MEF2C: variants seen among roughly 807,000 people sequenced by gnomAD.
MEF2C encodes the protein myocyte enhancer factor 2C.
A neutral mutation model predicts 50.5 loss-of-function variants in MEF2C; 6 were observed. That is an observed-to-expected ratio of 0.12 (90% CI 0.07 to 0.23). MEF2C has a LOEUF of 0.23. MEF2C is among the 10% of genes least tolerant of loss of function. The probability of loss-of-function intolerance (pLI) is 1.00; values close to 1 mark genes in which losing one functional copy is unlikely to be tolerated. For synonymous variants in MEF2C, 183 were observed against 228.0 expected (o/e 0.80, Z 1.78); for missense variants, 276 against 605.0 (o/e 0.46, Z 5.70).
chr5:88,780,106 C>CT (rs1380740902), intron 3 of MEF2C, among the ~76,000 whole-genome samples: 2 of 150,860 alleles, frequency 1.3e-5, no homozygotes, highest in African/African-American at 2.4e-5. Context: ...GACATTGCAT[C>CT]ATTGCACTCT....
chr5:88,849,695 A>C (rs1304881624), intron 1 of MEF2C, among the ~76,000 whole-genome samples: 2 of 152,202 alleles, frequency 1.3e-5, no homozygotes, highest in Non-Finnish European at 2.9e-5. Context: ...AGAAATTAGC[A>C]AATCCAGTAT....
At chr5:88,768,090 C>G (rs920894787) in intron 3 of MEF2C, among the ~76,000 whole-genome samples, 1 of 152,290 alleles carries the variant, frequency 6.6e-6, no homozygotes, top group African/African-American at 2.4e-5. Flanking sequence ...ACTTTCTGAT[C>G]GCTCAGGCTG....
intron 3 of MEF2C, among the ~76,000 whole-genome samples, chr5:88,787,095 C>T (rs1192385028): frequency 6.6e-6 from 1 of 151,774 alleles, no homozygotes; most frequent in Non-Finnish European, 1.5e-5. Flanking sequence ...GGGCCGTGAA[C>T]ACCATACTTT....
At chr5:88,748,908 C>CTTT in intron 6 of MEF2C, 162 bp downstream of exon 6, 1 of 985,300 alleles carries the variant, frequency 1.0e-6, no homozygotes, top group Non-Finnish European at 1.2e-6. Context: ...ACTATTTAAC[C>CTTT]ACTCCTGCTT....
intron 1 of MEF2C, among the ~76,000 whole-genome samples, chr5:88,848,453 T>C (rs761857824): frequency 1.4e-4 from 21 of 152,188 alleles, no homozygotes; most frequent in Non-Finnish European, 2.8e-4. Context: ...TCTATCTCTC[T>C]ACATAGTAAT....
At chr5:88,853,086 T>C (rs961863979) in intron 1 of MEF2C, among the ~76,000 whole-genome samples, 1 of 152,068 alleles carries the variant, frequency 6.6e-6, no homozygotes, top group Non-Finnish European at 1.5e-5. Flanking sequence ...TAATTGGGCA[T>C]GGTGGCCTGT....
At chr5:88,757,929 T>C (rs1776113788) in intron 4 of MEF2C, among the ~76,000 whole-genome samples, 1 of 151,764 alleles carries the variant, frequency 6.6e-6, no homozygotes, top group Non-Finnish European at 1.5e-5. Context: ...AAATAAAAAA[T>C]AAAAATAAAA....
At chr5:88,885,297 C>G (rs1358852085), upstream of MEF2C, among the ~76,000 whole-genome samples, 1 of 152,128 alleles carries the variant, frequency 6.6e-6, no homozygotes, top group Non-Finnish European at 1.5e-5. Context: ...GCAACTGTCC[C>G]AAGGCTTCAC....
In MEF2C at chr5:88,895,152, G is replaced by C. The variant is rs141052630; in HGVS notation, c.-239-7554C>G. On this transcript the variant is annotated intron_variant, in intron 1 of 11. Coordinates refer to the MEF2C transcript ENST00000340208. ...GAAAACATCTCAATGTTGTAGTTAT[G>C]TAATGATATTTTAAAAGATGTTTTC... Among the ~76,000 whole-genome samples the C allele has an allele frequency of 5.1e-3, 772 of 152,252 alleles. 3 individuals are homozygous for C. The highest frequency in any genetic ancestry group is 0.018 in the African/African-American group (742 of 41,536).
At chr5:88,812,596 A>T (rs1244154913) in intron 2 of MEF2C, among the ~76,000 whole-genome samples, 2 of 144,814 alleles carry the variant, frequency 1.4e-5, no homozygotes, top group African/African-American at 5.2e-5. Flanking sequence ...AGTGTTGCTT[A>T]TTTGATAATT....
intron 3 of MEF2C, among the ~76,000 whole-genome samples, chr5:88,765,521 T>C (rs1486348346): frequency 2.6e-5 from 4 of 152,240 alleles, no homozygotes; most frequent in Non-Finnish European, 5.9e-5. Context: ...GCCAAGTCTG[T>C]CTTTATCACA....
chr5:88,843,900 C>T (rs1458089742), intron 1 of MEF2C, among the ~76,000 whole-genome samples: 2 of 151,574 alleles, frequency 1.3e-5, no homozygotes, highest in Admixed American at 6.6e-5. Context: ...ACCTCTGCCT[C>T]CTGGGTTCAA....
Position 88,883,182 on chromosome 5 carries a change from T to TGCGAGAAGA in MEF2C, c.-371_-370insTCTTCTCGC, listed in dbSNP as rs1323499528. On this transcript the variant is annotated 5_prime_UTR_variant, in exon 1 of 11. Coordinates refer to ENST00000504921, the MANE Select transcript of MEF2C (RefSeq NM_002397.5). Reference sequence around the variant, plus strand: ...ACGCGTGTGCTCAAGTGTCTGTGACTGCGAGCAGAGCGAGCAGAGAGCTGG... The same window carrying TGCGAGAAGA: ...ACGCGTGTGCTCAAGTGTCTGTGACTGCGAGAAGAGCGAGCAGAGCGAGCAGAGAGCTGG... 2 of 142,540 alleles carry TGCGAGAAGA rather than the reference T, an allele frequency of 1.4e-5. No individual in the cohort carries two copies. Among genetic ancestry groups the TGCGAGAAGA allele is most frequent in the Non-Finnish European group, 3.1e-5 (2 of 64,942 alleles). The allele number at this position is 142,540 out of a possible 1,614,324, so 8.8% of individuals were successfully genotyped here. A position where few individuals can be genotyped will look rare whatever the true frequency, so the allele number is the denominator to read the frequency against.
chr5:88,813,956 C>T (rs1210215046), intron 2 of MEF2C, among the ~76,000 whole-genome samples: 4 of 151,934 alleles, frequency 2.6e-5, no homozygotes, highest in South Asian at 4.2e-4. Flanking sequence ...TCCACCTCAT[C>T]CCCCCACCTA....
At chr5:88,837,736 G>C (rs1192109220) in intron 1 of MEF2C, among the ~76,000 whole-genome samples, 3 of 152,076 alleles carry the variant, frequency 2.0e-5, no homozygotes, top group African/African-American at 7.2e-5. Context: ...AAATAGAATT[G>C]TTTTCTTCCA....
intron 1 of MEF2C, among the ~76,000 whole-genome samples, chr5:88,841,488 T>C (rs1393818776): frequency 2.3e-5 from 3 of 131,224 alleles, no homozygotes; most frequent in South Asian, 2.3e-4. Context: ...GCCTGGATGA[T>C]GGAATAAAAC....
rs376439815 is a variant in MEF2C, at chr5:88,722,694, G to A, written c.1332C>T (p.His444=). The A allele has an allele frequency of 2.2e-5, 36 of 1,613,856 alleles. No individual in the cohort carries two copies. The highest frequency in any genetic ancestry group is 2.9e-5 in the Non-Finnish European group (34 of 1,179,896). The change falls in exon 11 of 11, where the codon CAC becomes CAT. Residue 444 remains histidine, a synonymous_variant. Transcript: ENST00000504921. ...SDREDHRNEF[H]SPIGLTRPSP... is the part of the protein sequence containing the mutation. Reference sequence around the variant, plus strand: ...AAGGTCTGGTGAGTCCAATGGGGGAGTGGAATTCGTTCCGGTGATCCTCTC... The same window carrying A: ...AAGGTCTGGTGAGTCCAATGGGGGAATGGAATTCGTTCCGGTGATCCTCTC...
chr5:88,902,940 G>C (rs1835811971), intron 1 of MEF2C, among the ~76,000 whole-genome samples: 1 of 150,972 alleles, frequency 6.6e-6, no homozygotes. Flanking sequence ...CTACGTATAG[G>C]CTCTAGCTTT....
At position 88,737,433 on chromosome 5, in the gene MEF2C, A is replaced by T. The variant is rs1029011833; in HGVS notation, c.638-5532T>A. ...AGCTAACTGCAAGTGGTAGAATTAA[A>T]CAAGTCAGACATTTTCCCTAATGAA... On this transcript the variant is annotated intron_variant, in intron 6 of 10. Transcript: ENST00000504921. 7.1e-6 allele frequency: 7 copies of T among 985,312 alleles called. No individual in the cohort carries two copies. The African/African-American group carries it at 1.2e-4, about 17-fold the overall frequency. The allele number at this position is 985,312 out of a possible 1,614,324, so 61.0% of individuals were successfully genotyped here.
Sources: allele counts gnomAD v4.1 joint callset (sites outside exome capture counted in the v4.1 genomes callset), GRCh38; gene constraint gnomAD v4.1.1; transcripts MANE v1.5; gene names NCBI Gene and HGNC (gene_info 2026-07-23, HGNC 2026-07-21).